Variants in CNTNAP2 observed in about 807,000 individuals in gnomAD.
CNTNAP2 encodes contactin associated protein 2.
In CNTNAP2, 98 loss-of-function variants were observed where a neutral mutation model predicts 155.2. That is an observed-to-expected ratio of 0.63 (90% CI 0.54 to 0.75). The LOEUF (loss-of-function observed/expected upper bound fraction) is 0.75. Among genes scored for constraint, CNTNAP2 ranks in the 30% least tolerant of loss-of-function variants. CNTNAP2 has a pLI of 0.00. For missense variants in CNTNAP2, 1,727 were observed against 1,688.1 expected (o/e 1.02, Z -0.40); for synonymous variants, 651 against 631.2 (o/e 1.03, Z -0.47).
At chr7:147,346,810 T>C (rs1795871590) in intron 9 of CNTNAP2, among the ~76,000 whole-genome samples, 1 of 152,222 alleles carries the variant, frequency 6.6e-6, no homozygotes, top group Non-Finnish European at 1.5e-5. Context: ...GCGTAGTCTT[T>C]TTCAAATTTA....
At chr7:147,620,968 A>T (rs770388195) in intron 12 of CNTNAP2, among the ~76,000 whole-genome samples, 17 of 152,294 alleles carry the variant, frequency 1.1e-4, no homozygotes, top group Non-Finnish European at 2.4e-4. Context: ...TAAAGAAAGG[A>T]TTCTAAAAGC....
At chr7:146,621,968 A>T (rs1799325540) in intron 1 of CNTNAP2, among the ~76,000 whole-genome samples, 1 of 152,094 alleles carries the variant, frequency 6.6e-6, no homozygotes, top group Non-Finnish European at 1.5e-5. Context: ...TTATATTCTA[A>T]TAGTACCTTG....
Position 146,116,915 on chromosome 7 carries a change from C to T in CNTNAP2, c.39C>T (p.Leu13=). The T allele has an allele frequency of 1.9e-6, 3 of 1,551,110 alleles. No individual in the cohort carries two copies. The highest frequency in any genetic ancestry group is 2.4e-5 in the East Asian group (1 of 41,020). ...CGCGCGCCGGCTGCGGGGCAGCGCT[C>T]CTGCTGTGGATTGTCAGCAGCTGCC... ...AAPRAGCGAA[L]LLWIVSSCLC... Residue 13 remains leucine (L), a synonymous_variant, in exon 1 of 24, where the codon CTC becomes CTT. Transcript: ENST00000361727. The surrounding 1 kb of genome is among the most constrained non-coding windows in gnomAD (Gnocchi z 5.5).
At chr7:146,713,903 C>T (rs1801141764) in intron 1 of CNTNAP2, among the ~76,000 whole-genome samples, 1 of 151,890 alleles carries the variant, frequency 6.6e-6, no homozygotes, top group South Asian at 2.1e-4. Flanking sequence ...TAGCTCAGAG[C>T]ATTATTGTAA....
chr7:146,969,470 A>G (rs1034739910), intron 3 of CNTNAP2, among the ~76,000 whole-genome samples: 3 of 152,036 alleles, frequency 2.0e-5, no homozygotes, highest in Admixed American at 6.6e-5. Flanking sequence ...ATCACTCAGG[A>G]CTTGCTTTAT....
chr7:147,895,361 A>G (rs1004596549), intron 13 of CNTNAP2, among the ~76,000 whole-genome samples: 1 of 152,134 alleles, frequency 6.6e-6, no homozygotes, highest in Non-Finnish European at 1.5e-5. Flanking sequence ...CATCCACACC[A>G]TAATAAACCC....
chr7:147,807,797 T>C (rs1368785378), intron 13 of CNTNAP2, among the ~76,000 whole-genome samples: 2 of 152,156 alleles, frequency 1.3e-5, no homozygotes, highest in African/African-American at 4.8e-5. Flanking sequence ...TAGTTGGTGA[T>C]GTGAGCGTCA....
intron 20 of CNTNAP2, among the ~76,000 whole-genome samples, chr7:148,262,235 T>C (rs1796575933): frequency 6.6e-6 from 1 of 152,148 alleles, no homozygotes; most frequent in African/African-American, 2.4e-5. Flanking sequence ...ATGCATTTCA[T>C]CTGGGAGGCA....
At chr7:146,757,134 C>T (rs571899652) in intron 1 of CNTNAP2, among the ~76,000 whole-genome samples, 1 of 152,012 alleles carries the variant, frequency 6.6e-6, no homozygotes, top group African/African-American at 2.4e-5. Context: ...ATGACATAAG[C>T]AGACAGTGAT....
chr7:147,307,096 G>T (rs867288908), intron 9 of CNTNAP2, among the ~76,000 whole-genome samples: 1 of 152,150 alleles, frequency 6.6e-6, no homozygotes, highest in Non-Finnish European at 1.5e-5. Flanking sequence ...TGAAGCATAA[G>T]CTTAAAACCA....
intron 8 of CNTNAP2, among the ~76,000 whole-genome samples, chr7:147,241,151 G>GAAGCAAGT (rs1360615553): frequency 1.3e-5 from 2 of 152,168 alleles, no homozygotes; most frequent in African/African-American, 4.8e-5. Context: ...GTACAAGAAT[G>GAAGCAAGT]AAGCAAGTCA....
chr7:147,044,348 T>C (rs1460952215), intron 4 of CNTNAP2, among the ~76,000 whole-genome samples: 1 of 152,112 alleles, frequency 6.6e-6, no homozygotes, highest in East Asian at 1.9e-4. Flanking sequence ...GACTAAATAA[T>C]AAAGCTTATT....
chr7:146,970,193 A>G lies in CNTNAP2; in HGVS notation c.403-73714A>G, dbSNP rs1797754002. Among the ~76,000 whole-genome samples, 4 of 152,196 alleles carry G rather than the reference A, an allele frequency of 2.6e-5. No individual in the cohort carries two copies. In the South Asian group the frequency reaches 8.3e-4, roughly 31 times the overall value. On this transcript the variant is annotated intron_variant, in intron 3 of 23. Coordinates refer to ENST00000361727, the MANE Select transcript of CNTNAP2 (RefSeq NM_014141.6). ...AAACACCAAAAGCAATGGCAACAAA[A>G]GACAAAATTGACAAATGGGATCTAA...
At chr7:147,250,523 T>C (rs1009420742) in intron 8 of CNTNAP2, among the ~76,000 whole-genome samples, 1 of 152,040 alleles carries the variant, frequency 6.6e-6, no homozygotes, top group Non-Finnish European at 1.5e-5. Context: ...CATTGCCCCT[T>C]ATCCACTAAG....
intron 8 of CNTNAP2, among the ~76,000 whole-genome samples, chr7:147,144,712 A>G (rs924993462): frequency 1.3e-5 from 2 of 152,214 alleles, no homozygotes; most frequent in African/African-American, 2.4e-5. Flanking sequence ...AGGGTGTTCT[A>G]TATGTATTGT....
chr7:146,220,290 A>T (rs1799185372), intron 1 of CNTNAP2, among the ~76,000 whole-genome samples: 1 of 4,286 alleles, frequency 2.3e-4, no homozygotes, highest in African/African-American at 6.5e-4. Context: ...ATGCATGCTA[A>T]AAAAAAAAAT....
intron 2 of CNTNAP2, among the ~76,000 whole-genome samples, chr7:146,779,989 C>T (rs183523698): frequency 6.6e-6 from 1 of 152,272 alleles, no homozygotes; most frequent in Admixed American, 6.5e-5. Context: ...TTAAAAGACA[C>T]CACTTTATAC....
Position 148,000,258 on chromosome 7 carries a change from G to T in CNTNAP2, c.2383+22269G>T, listed in dbSNP as rs560639687. Reference sequence around the variant, plus strand: ...GTAGGAGAAGCAAGCTCCATTCCTGGTGCTCCTCTGTATGATGGGCATGGC... The same window carrying T: ...GTAGGAGAAGCAAGCTCCATTCCTGTTGCTCCTCTGTATGATGGGCATGGC... On this transcript the variant is annotated intron_variant, in intron 15 of 23. Coordinates refer to ENST00000361727, the MANE Select transcript of CNTNAP2 (RefSeq NM_014141.6). Among the ~76,000 whole-genome samples the T allele has an allele frequency of 3.3e-5, 5 of 152,276 alleles. No individual in the cohort carries two copies. The East Asian group carries it at 9.7e-4, about 29-fold the overall frequency.
In CNTNAP2 at chr7:147,377,043, T is replaced by G. The variant is rs907143227; in HGVS notation, c.1499-18566T>G. Among the ~76,000 whole-genome samples, 6 of 152,092 alleles carry G rather than the reference T, an allele frequency of 3.9e-5. No homozygotes were observed. In the East Asian group the frequency reaches 9.7e-4, roughly 24 times the overall value. On this transcript the variant is annotated intron_variant, in intron 9 of 23. Transcript: ENST00000361727. ...GTATTTTGCTAGATTTAAGAAAAAATCAATAGTTCTGTCTTTTCAGTATAG... is the reference window on the plus strand; with the variant it reads ...GTATTTTGCTAGATTTAAGAAAAAAGCAATAGTTCTGTCTTTTCAGTATAG...
Sources: gnomAD v4.1 joint callset for allele counts (sites outside exome capture counted in the v4.1 genomes callset) on GRCh38, gnomAD v4.1.1 for gene constraint, Gnocchi (gnomAD v3.1) non-coding constraint, MANE v1.5 for transcripts, NCBI Gene and HGNC (gene_info 2026-07-23, HGNC 2026-07-21) for gene names.